NPAS3: variants seen among roughly 807,000 people sequenced by gnomAD.
The protein encoded by NPAS3 is neuronal PAS domain-containing protein 3.
In NPAS3, 14 loss-of-function variants were observed where a neutral mutation model predicts 73.1. The ratio of observed to expected loss-of-function variants is 0.19; its 90% CI spans 0.13 to 0.30. The LOEUF is 0.30. NPAS3 is among the 10% of genes least tolerant of loss of function. The pLI, the probability that NPAS3 is intolerant of heterozygous loss-of-function variation, is 1.00. For synonymous variants in NPAS3, 620 were observed against 541.5 expected (o/e 1.14, Z -2.01); for missense variants, 1,096 against 1,250.0 (o/e 0.88, Z 1.86).
At chr14:32,973,175 T>C (rs536731961) in intron 1 of NPAS3, among the ~76,000 whole-genome samples, 1 of 152,296 alleles carries the variant, frequency 6.6e-6, no homozygotes, top group East Asian at 1.9e-4. Flanking sequence ...AAGAGAAGAC[T>C]CTACATAAAA....
chr14:33,550,427 A>G (rs896053237), intron 4 of NPAS3, among the ~76,000 whole-genome samples: 2 of 152,274 alleles, frequency 1.3e-5, no homozygotes, highest in Non-Finnish European at 2.9e-5. Flanking sequence ...TTCTTACGAT[A>G]TTAGTTGTTA....
At chr14:33,711,339 A>T (rs1289267125) in intron 6 of NPAS3, among the ~76,000 whole-genome samples, 2 of 152,192 alleles carry the variant, frequency 1.3e-5, no homozygotes, top group Non-Finnish European at 2.9e-5. Flanking sequence ...TTGTCTGTTA[A>T]GATTTCTGAT....
intron 2 of NPAS3, among the ~76,000 whole-genome samples, chr14:33,090,614 C>T (rs1404215291): frequency 6.6e-6 from 1 of 152,120 alleles, no homozygotes; most frequent in African/African-American, 2.4e-5. Flanking sequence ...ACAAGGATAT[C>T]CAGGAATTCA....
intron 3 of NPAS3, among the ~76,000 whole-genome samples, chr14:33,223,723 A>G (rs1170177838): frequency 6.6e-6 from 1 of 152,148 alleles, no homozygotes; most frequent in Admixed American, 6.5e-5. Context: ...TTCAAAAGCC[A>G]CATACCCTAA....
At position 32,974,980 on chromosome 14, in the gene NPAS3, AGTCT is replaced by A. The variant is rs2037593223; in HGVS notation, c.50+35618_50+35621del. ...ATATAGAGTATCTGATTAATAAAGT[AGTCT>A]GTCAGAATTTAGTGGGTAATCAATC... On this transcript the variant is annotated intron_variant, in intron 1 of 11. Transcript: ENST00000356141. Among the ~76,000 whole-genome samples, 8 of 152,330 alleles carry A rather than the reference AGTCT, an allele frequency of 5.3e-5. No homozygotes were observed. In the South Asian group the frequency reaches 1.4e-3, roughly 28 times the overall value.
chr14:33,323,640 C>G (rs977043188), intron 3 of NPAS3, among the ~76,000 whole-genome samples: 2 of 152,202 alleles, frequency 1.3e-5, no homozygotes, highest in Admixed American at 1.3e-4. Flanking sequence ...GAAAAGGACT[C>G]TTAGAATACA....
intron 5 of NPAS3, among the ~76,000 whole-genome samples, chr14:33,623,652 A>T (rs1016090970): frequency 6.6e-6 from 1 of 152,138 alleles, no homozygotes; most frequent in Admixed American, 6.5e-5. Context: ...TTCCCATCTT[A>T]GAGAAAAAGC....
chr14:33,594,859 C>T (rs2057187938), intron 5 of NPAS3, among the ~76,000 whole-genome samples: 1 of 152,158 alleles, frequency 6.6e-6, no homozygotes, highest in African/African-American at 2.4e-5. Context: ...AAGGCCTCTT[C>T]ATTCCCCATG....
chr14:33,377,601 A>G (rs2046365707), intron 4 of NPAS3, among the ~76,000 whole-genome samples: 7 of 152,206 alleles, frequency 4.6e-5, no homozygotes, highest in Non-Finnish European at 1.5e-5. Context: ...GCAGATACGT[A>G]TCCACGGGGA....
intron 6 of NPAS3, among the ~76,000 whole-genome samples, chr14:33,679,164 C>T (rs1035541089): frequency 6.6e-6 from 1 of 152,214 alleles, no homozygotes; most frequent in Admixed American, 6.5e-5. Flanking sequence ...ATCAGCTACA[C>T]TCGCATAAGA....
chr14:33,197,409 T>C (rs778505262), intron 2 of NPAS3, among the ~76,000 whole-genome samples: 2 of 152,094 alleles, frequency 1.3e-5, no homozygotes, highest in African/African-American at 4.8e-5. Context: ...TTCTGATCAA[T>C]TTCATTAAGC....
chr14:33,615,694 C>A (rs1206924978), intron 5 of NPAS3, among the ~76,000 whole-genome samples: 1 of 152,070 alleles, frequency 6.6e-6, no homozygotes, highest in Non-Finnish European at 1.5e-5. Flanking sequence ...TAGCATAAAT[C>A]AACTTGTTTA....
chr14:33,679,881 A>G (rs978701882), intron 6 of NPAS3, among the ~76,000 whole-genome samples: 1 of 152,214 alleles, frequency 6.6e-6, no homozygotes, highest in Non-Finnish European at 1.5e-5. Context: ...CCAAATAAAT[A>G]TTTTATATGT....
chr14:33,423,053 A>G (rs1418150582), intron 4 of NPAS3, among the ~76,000 whole-genome samples: 1 of 152,036 alleles, frequency 6.6e-6, no homozygotes, highest in East Asian at 1.9e-4. Context: ...AAACAACTAC[A>G]TGTAGTTATA....
chr14:33,537,296 G>A (rs950935642), intron 4 of NPAS3, among the ~76,000 whole-genome samples: 13 of 152,072 alleles, frequency 8.5e-5, no homozygotes, highest in Non-Finnish European at 1.5e-5. Flanking sequence ...CCCTAATTTA[G>A]GGCACATTAG....
chr14:33,054,858 T>A (rs2040831571), intron 1 of NPAS3, among the ~76,000 whole-genome samples: 1 of 152,136 alleles, frequency 6.6e-6, no homozygotes, highest in Non-Finnish European at 1.5e-5. Context: ...GTGATCCGCC[T>A]GCCTCGGCCT....
intron 4 of NPAS3, among the ~76,000 whole-genome samples, chr14:33,445,304 G>A (rs1422973371): frequency 6.6e-6 from 1 of 152,028 alleles, no homozygotes; most frequent in Admixed American, 6.5e-5. Context: ...ATTACTATAT[G>A]TACTTCAAAA....
At chr14:33,399,771 T>G (rs1231403229) in intron 4 of NPAS3, among the ~76,000 whole-genome samples, 1 of 152,066 alleles carries the variant, frequency 6.6e-6, no homozygotes, top group Non-Finnish European at 1.5e-5. Context: ...AGGAGCTTTC[T>G]TTATATTTAA....
At chr14:33,342,577 C>G (rs1201924126) in intron 3 of NPAS3, among the ~76,000 whole-genome samples, 2 of 152,196 alleles carry the variant, frequency 1.3e-5, no homozygotes, top group African/African-American at 4.8e-5. Flanking sequence ...GGTGGTTTTG[C>G]AGAGTGTGAA....
Sources: gnomAD v4.1 joint callset for allele counts (sites outside exome capture counted in the v4.1 genomes callset) on GRCh38, gnomAD v4.1.1 for gene constraint, MANE v1.5 for transcripts, NCBI Gene and HGNC (gene_info 2026-07-23, HGNC 2026-07-21) for gene names.